DGKI: variants seen among roughly 807,000 people sequenced by gnomAD.
The protein encoded by DGKI is diacylglycerol kinase iota, also known as DAG kinase iota.
In DGKI, 55 loss-of-function variants were observed where a neutral mutation model predicts 147.5. The observed-to-expected ratio is 0.37, with a 90% CI of 0.30 to 0.47. The LOEUF (loss-of-function observed/expected upper bound fraction) is 0.47, where lower values mean the gene tolerates loss of function less well. Ranked by LOEUF, DGKI falls within the 20% of genes least tolerant of loss-of-function variation. DGKI has a pLI of 1.00. For missense variants in DGKI, 1,007 were observed against 1,323.8 expected (o/e 0.76, Z 3.71); for synonymous variants, 469 against 477.1 (o/e 0.98, Z 0.22).
At chr7:137,614,996 T>A (rs1275581872) in intron 8 of DGKI, among the ~76,000 whole-genome samples, 1 of 152,106 alleles carries the variant, frequency 6.6e-6, no homozygotes, top group Non-Finnish European at 1.5e-5. Context: ...CTACCACAAA[T>A]GGCATATTTT....
chr7:137,782,493 C>A (rs1323323357), intron 1 of DGKI, among the ~76,000 whole-genome samples: 1 of 152,172 alleles, frequency 6.6e-6, no homozygotes, highest in Non-Finnish European at 1.5e-5. Context: ...CTGCCCTCAC[C>A]TAGTGGTCTT....
chr7:137,575,871 G>C (rs1308119055), intron 17 of DGKI, among the ~76,000 whole-genome samples: 2 of 151,952 alleles, frequency 1.3e-5, no homozygotes, highest in Admixed American at 6.6e-5. Context: ...AACTGATTTA[G>C]GAGATTCATG....
At chr7:137,744,255 A>C (rs371621247) in intron 1 of DGKI, among the ~76,000 whole-genome samples, 3 of 152,202 alleles carry the variant, frequency 2.0e-5, no homozygotes, top group Non-Finnish European at 4.4e-5. Flanking sequence ...ATTACTGTGA[A>C]TATCTCTATG....
At chr7:137,481,775 C>T (rs1255687056) in intron 23 of DGKI, among the ~76,000 whole-genome samples, 1 of 152,012 alleles carries the variant, frequency 6.6e-6, no homozygotes, top group Non-Finnish European at 1.5e-5. Context: ...TTTCTAAATG[C>T]TGCTTTTCTC....
intron 32 of DGKI, among the ~76,000 whole-genome samples, chr7:137,394,912 A>G (rs1027363538): frequency 1.1e-4 from 17 of 152,212 alleles, no homozygotes; most frequent in African/African-American, 4.1e-4. Context: ...AAAGAGCTCA[A>G]TTTAATTTAA....
intron 5 of DGKI, among the ~76,000 whole-genome samples, chr7:137,649,488 C>T (rs1424430721): frequency 6.6e-6 from 1 of 152,094 alleles, no homozygotes; most frequent in Non-Finnish European, 1.5e-5. Flanking sequence ...ACTTCAAGTA[C>T]TGGGCAAGGA....
Position 137,433,739 on chromosome 7 carries a change from T to A in DGKI, c.2761+10338A>T, listed in dbSNP as rs116404552. Among the ~76,000 whole-genome samples the A allele has an allele frequency of 9.4e-3, 1,430 of 152,348 alleles. 11 individuals are homozygous for A. The highest frequency in any genetic ancestry group is 0.033 in the African/African-American group (1,367 of 41,564). ...TTTCCTAAATAACTGTATTGACTTA[T>A]CTGTGGAAATGAAATCTATGATCTC... On this transcript the variant is annotated intron_variant, in intron 28 of 32. Transcript: ENST00000614521.
chr7:137,517,455 G>A (rs575237010), intron 21 of DGKI, among the ~76,000 whole-genome samples: 2 of 151,902 alleles, frequency 1.3e-5, no homozygotes, highest in Admixed American at 6.6e-5. Context: ...GCTGAGAAAC[G>A]GTTACAGATC....
intron 1 of DGKI, among the ~76,000 whole-genome samples, chr7:137,794,181 C>A (rs1201625461): frequency 1.3e-5 from 2 of 152,166 alleles, no homozygotes; most frequent in African/African-American, 4.8e-5. Flanking sequence ...TAGGTTGGCC[C>A]ATGTTCTTTC....
intron 1 of DGKI, among the ~76,000 whole-genome samples, chr7:137,697,482 G>A (rs1334237041): frequency 2.6e-5 from 4 of 152,056 alleles, no homozygotes; most frequent in South Asian, 2.1e-4. Context: ...GATAAAAGTC[G>A]GGAAAGAAAT....
rs35470018 is a variant in DGKI at position 137,498,345 on chromosome 7, C to T, written c.2249-10656G>A. Reference sequence around the variant, plus strand: ...AGTTTCAAAAAACATCCCCATAATACGAGTCTCAAAAAACAAAAGAAAATA... The same window carrying T: ...AGTTTCAAAAAACATCCCCATAATATGAGTCTCAAAAAACAAAAGAAAATA... On this transcript the variant is annotated intron_variant, in intron 21 of 32. Transcript: ENST00000614521. 1.0e-3 allele frequency among the ~76,000 whole-genome samples: 155 copies of T among 151,508 alleles called. No individual in the cohort carries two copies. In the South Asian group the frequency reaches 0.017, roughly 17 times the overall value.
chr7:137,457,874 T>C (rs1814267482), intron 27 of DGKI, among the ~76,000 whole-genome samples: 1 of 152,128 alleles, frequency 6.6e-6, no homozygotes, highest in Admixed American at 6.5e-5. Context: ...GCTGACATTT[T>C]CGTTAATTCT....
intron 1 of DGKI, among the ~76,000 whole-genome samples, chr7:137,732,106 G>C (rs562419587): frequency 2.6e-5 from 4 of 152,106 alleles, no homozygotes; most frequent in Non-Finnish European, 5.9e-5. Flanking sequence ...CAATAGCTAT[G>C]CTAATACCAT....
intron 3 of DGKI, among the ~76,000 whole-genome samples, chr7:137,661,487 C>G (rs1227551187): frequency 1.3e-5 from 2 of 152,022 alleles, no homozygotes; most frequent in Non-Finnish European, 2.9e-5. Context: ...GGGAAAGGGC[C>G]AGAGGGGGGC....
At chr7:137,548,771 C>T (rs954835099) in intron 20 of DGKI, among the ~76,000 whole-genome samples, 1 of 152,158 alleles carries the variant, frequency 6.6e-6, no homozygotes, top group African/African-American at 2.4e-5. Flanking sequence ...ACTTCGAGAC[C>T]AGCCTGAGCA....
chr7:137,409,472 T>C (rs192666385), intron 29 of DGKI, among the ~76,000 whole-genome samples: 1 of 152,022 alleles, frequency 6.6e-6, no homozygotes, highest in African/African-American at 2.4e-5. Flanking sequence ...AAGCAGGGGA[T>C]GGAAACAGCC....
At chr7:137,697,549 A>G (rs1823833146) in intron 1 of DGKI, among the ~76,000 whole-genome samples, 1 of 152,252 alleles carries the variant, frequency 6.6e-6, no homozygotes, top group Non-Finnish European at 1.5e-5. Flanking sequence ...TCAGTGAATA[A>G]GATCTTAACC....
chr7:137,629,039 C>A (rs907170558), intron 6 of DGKI, among the ~76,000 whole-genome samples: 1 of 152,046 alleles, frequency 6.6e-6, no homozygotes, highest in South Asian at 2.1e-4. Flanking sequence ...TTCCTCCTAC[C>A]TCCAAAACTT....
At position 137,480,548 on chromosome 7, in the gene DGKI, C is replaced by T. The variant is rs558353052; in HGVS notation, c.2373+4826G>A. The stretch of plus-strand genomic sequence containing the variant: ...AGAGCAGGCATGTAGGAACAAAGGA[C>T]ATCAGAGGAGGAACAAGTAATGTAG... On this transcript the variant is annotated intron_variant, in intron 23 of 32. Coordinates refer to ENST00000614521, the MANE Select transcript of DGKI (RefSeq NM_001321708.2). Among the ~76,000 whole-genome samples, 10 of 151,268 alleles carry T rather than the reference C, an allele frequency of 6.6e-5. No individual in the cohort carries two copies. In the East Asian group the frequency reaches 1.9e-3, roughly 29 times the overall value.
Sources: allele counts gnomAD v4.1 joint callset (sites outside exome capture counted in the v4.1 genomes callset), GRCh38; gene constraint gnomAD v4.1.1; transcripts MANE v1.5; gene names NCBI Gene and HGNC (gene_info 2026-07-23, HGNC 2026-07-21).